Variants in VEZT observed in about 807,000 individuals in gnomAD.
VEZT encodes vezatin.
VEZT carries 39 observed loss-of-function variants against 79.9 expected under a neutral mutation model. The ratio of observed to expected loss-of-function variants is 0.49; its 90% confidence interval spans 0.38 to 0.64. VEZT has a LOEUF of 0.64. Ranked by LOEUF, VEZT falls within the 30% of genes least tolerant of loss-of-function variation. The pLI is 0.00. For synonymous variants in VEZT, 325 were observed against 327.6 expected (o/e 0.99, Z 0.09); for missense variants, 837 against 893.1 (o/e 0.94, Z 0.80).
rs1357395814 is a variant in VEZT at position 95,263,050 on chromosome 12, A to G, written c.403A>G (p.Thr135Ala). 2 of 1,611,582 alleles carry G rather than the reference A, an allele frequency of 1.2e-6. No homozygotes were observed. Among genetic ancestry groups the G allele is most frequent in the Non-Finnish European group, 1.7e-6 (2 of 1,178,092 alleles). Residue 135 changes from threonine to alanine, a missense_variant, in exon 4 of 12, where the codon ACA becomes GCA. Thr to Ala is a moderately conservative substitution (Grantham distance 58, BLOSUM62 0). Transcript: ENST00000436874. ...SQQQENGHLP[T>A]LCSLATPNIW... The stretch of plus-strand genomic sequence containing the variant: ...ACAACAGGAAAATGGACACCTTCCA[A>G]CACTTTGCTCCCTGGCAACCCCTAA...
At chr12:95,242,696 A>G (rs1388107520) in intron 1 of VEZT, among the ~76,000 whole-genome samples, 6 of 152,126 alleles carry the variant, frequency 3.9e-5, no homozygotes, top group Non-Finnish European at 8.8e-5. Flanking sequence ...CAACCTGGTA[A>G]AACCCTGTAT....
chr12:95,299,595 C>T (rs960459935), intron 11 of VEZT: 17 of 152,006 alleles, frequency 1.1e-4, no homozygotes, highest in African/African-American at 3.6e-4. Flanking sequence ...CATTTTTTTC[C>T]ATGCTGTTTT....
intron 6 of VEZT, among the ~76,000 whole-genome samples, chr12:95,272,996 T>G (rs867432350): frequency 1.3e-5 from 2 of 152,178 alleles, no homozygotes; most frequent in African/African-American, 4.8e-5. Context: ...GATCCCACAT[T>G]GCTGGGATTG....
At chr12:95,228,195 C>A (rs1175031560) in intron 1 of VEZT, among the ~76,000 whole-genome samples, 1 of 152,156 alleles carries the variant, frequency 6.6e-6, no homozygotes, top group African/African-American at 2.4e-5. Flanking sequence ...AGCATTTAAT[C>A]AGTTAAATGA....
chr12:95,279,209 A>C (rs2068455201), intron 7 of VEZT, among the ~76,000 whole-genome samples: 1 of 152,210 alleles, frequency 6.6e-6, no homozygotes, highest in South Asian at 2.1e-4. Flanking sequence ...TAATCCAAAA[A>C]TTTGAAATTT....
intron 1 of VEZT, among the ~76,000 whole-genome samples, chr12:95,235,143 ATCATGGCCCGTTC>A (rs2059862512): frequency 1.3e-5 from 2 of 151,928 alleles, no homozygotes; most frequent in African/African-American, 4.8e-5. Context: ...CGCCATTGTC[ATCATGGCCCGTTC>A]TCAACGAGCT....
intron 1 of VEZT, among the ~76,000 whole-genome samples, chr12:95,224,964 G>A (rs993303451): frequency 2.0e-5 from 3 of 152,206 alleles, no homozygotes; most frequent in Non-Finnish European, 4.4e-5. Flanking sequence ...CTGCTCCTAT[G>A]AGAATCTAAT....
At chr12:95,286,495 C>G in intron 8 of VEZT, 1 of 554,848 alleles carries the variant, frequency 1.8e-6, no homozygotes, top group Non-Finnish European at 3.6e-6. Flanking sequence ...ATCAAGACCT[C>G]TGGCAATTCC....
intron 1 of VEZT, among the ~76,000 whole-genome samples, chr12:95,229,965 A>C (rs1185849126): frequency 1.3e-5 from 2 of 151,968 alleles, no homozygotes; most frequent in African/African-American, 2.4e-5. Flanking sequence ...CAAATGCAAA[A>C]ATTACAGCTG....
intron 5 of VEZT, 96 bp downstream of exon 5, chr12:95,266,728 AG>A: frequency 7.8e-7 from 1 of 1,284,910 alleles, no homozygotes; most frequent in Non-Finnish European, 1.0e-6. Flanking sequence ...TTGCATTTAT[AG>A]GAAAAAAAAG....
At chr12:95,252,115 T>G (rs778091233) in intron 2 of VEZT, 44 bp downstream of exon 2, 1 of 1,579,026 alleles carries the variant, frequency 6.3e-7, no homozygotes, top group Admixed American at 1.9e-5. Flanking sequence ...CTTTTGCACT[T>G]TACCTTACTG....
intron 5 of VEZT, among the ~76,000 whole-genome samples, chr12:95,266,906 G>C (rs1374452958): frequency 6.6e-6 from 1 of 152,156 alleles, no homozygotes; most frequent in Non-Finnish European, 1.5e-5. Context: ...GATTATATGA[G>C]ATAATATATA....
chr12:95,246,989 T>G (rs777086248), intron 1 of VEZT, among the ~76,000 whole-genome samples: 1 of 152,222 alleles, frequency 6.6e-6, no homozygotes, highest in Non-Finnish European at 1.5e-5. Flanking sequence ...CTGTATTTAT[T>G]AGTGTATAAG....
intron 7 of VEZT, among the ~76,000 whole-genome samples, chr12:95,275,405 G>T (rs983383675): frequency 6.6e-6 from 1 of 152,072 alleles, no homozygotes; most frequent in Admixed American, 6.6e-5. Context: ...TTCGAGACCA[G>T]CCTGACCAAC....
At chr12:95,285,613 G>C (rs1416971176) in intron 8 of VEZT, among the ~76,000 whole-genome samples, 1 of 151,742 alleles carries the variant, frequency 6.6e-6, no homozygotes, top group South Asian at 2.1e-4. Flanking sequence ...TCATAACACT[G>C]TCTCTCTGTG....
intron 8 of VEZT, among the ~76,000 whole-genome samples, 188 bp downstream of exon 8, chr12:95,282,832 GA>G (rs2069542385): frequency 6.6e-6 from 1 of 152,024 alleles, no homozygotes; most frequent in African/African-American, 2.4e-5. Context: ...TAACTTGAGG[GA>G]GTTATTATTT....
chr12:95,231,393 C>G (rs1361898823), intron 1 of VEZT: 3 of 152,058 alleles, frequency 2.0e-5, no homozygotes, highest in African/African-American at 7.3e-5. Flanking sequence ...CAGAGGCACG[C>G]CCTCCAATTC....
intron 2 of VEZT, among the ~76,000 whole-genome samples, chr12:95,253,458 C>T (rs931085414): frequency 2.0e-5 from 3 of 152,150 alleles, no homozygotes; most frequent in Admixed American, 2.0e-4. Context: ...CCTAGTCCTC[C>T]ATTTATACCA....
At chr12:95,253,404 G>A (rs2062934247) in intron 2 of VEZT, among the ~76,000 whole-genome samples, 1 of 152,224 alleles carries the variant, frequency 6.6e-6, no homozygotes, top group Admixed American at 6.5e-5. Flanking sequence ...CCCAGAAGGT[G>A]AGAGTTAGGA....
Sources: allele counts gnomAD v4.1 joint callset (sites outside exome capture counted in the v4.1 genomes callset), GRCh38; gene constraint gnomAD v4.1.1; transcripts MANE v1.5; gene names NCBI Gene and HGNC (gene_info 2026-07-23, HGNC 2026-07-21).